The following MNS1 variants were observed in gnomAD, a reference collection of about 807,000 sequenced individuals.
MNS1 encodes the protein meiosis specific nuclear structural 1.
MNS1 carries 63 observed loss-of-function variants against 72.0 expected under a neutral mutation model. The observed-to-expected ratio is 0.87, with a 90% CI of 0.71 to 1.08. The LOEUF (loss-of-function observed/expected upper bound fraction) is 1.08, where lower values mean the gene tolerates loss of function less well. Ranked by LOEUF, MNS1 falls within the 50% of genes least tolerant of loss-of-function variation. The pLI, the probability that MNS1 is intolerant of heterozygous loss-of-function variation, is 0.00. For missense variants in MNS1, 604 were observed against 562.4 expected (o/e 1.07, Z -0.75); for synonymous variants, 188 against 172.1 (o/e 1.09, Z -0.72).
At position 56,444,561 on chromosome 15, in the gene MNS1, T is replaced by G. The variant is rs1298310975; in HGVS notation, c.569A>C (p.Asp190Ala). Residue 190 changes from aspartate (D) to alanine (A), a missense_variant, in exon 5 of 10, where the codon GAC (aspartate) becomes GCC (alanine). By Grantham distance (126) the Asp-to-Ala change is moderately radical (BLOSUM62 -2). Coordinates refer to ENST00000260453, the MANE Select transcript of MNS1 (RefSeq NM_018365.4). ...TTGTTCTTCAAGTTGTTTCTCTAAG[T>G]CAAGATAGTACTGTGCTTTCGCTTT... ...RNKAKAQYYL[D>A]LEKQLEEQEK... is the part of the protein sequence containing the mutation. 1.2e-6 allele frequency: 2 copies of G among 1,612,988 alleles called. No homozygotes were observed. The highest frequency in any genetic ancestry group is 1.7e-6 in the Non-Finnish European group (2 of 1,179,524).
chr15:56,461,311 C>A (rs2051018966), intron 2 of MNS1, among the ~76,000 whole-genome samples: 1 of 151,684 alleles, frequency 6.6e-6, no homozygotes, highest in Admixed American at 6.6e-5. Context: ...AAGCCTAGAA[C>A]AGTTTGTTTT....
At chr15:56,441,883 G>A (rs2050820413) in intron 7 of MNS1, among the ~76,000 whole-genome samples, 1 of 152,006 alleles carries the variant, frequency 6.6e-6, no homozygotes, top group Non-Finnish European at 1.5e-5. Context: ...AGCCGGGCAT[G>A]GTGGCGGGTG....
At chr15:56,449,385 A>G (rs2050932575) in intron 3 of MNS1, among the ~76,000 whole-genome samples, 1 of 152,076 alleles carries the variant, frequency 6.6e-6, no homozygotes, top group African/African-American at 2.4e-5. Flanking sequence ...TATAATTGTT[A>G]ATAGGATGAA....
At chr15:56,453,233 A>C (rs188927654) in intron 3 of MNS1, among the ~76,000 whole-genome samples, 6 of 152,252 alleles carry the variant, frequency 3.9e-5, no homozygotes, top group Admixed American at 3.9e-4. Flanking sequence ...TATTTTATAC[A>C]TTCAAATATC....
rs1466257817 is a variant in MNS1, at chr15:56,465,043, G to A, written c.-71C>T. ...CCTCCCGCCGCAAACGCAGCAGCCA[G>A]CAGCCCCAAGGAGCGCACCTGGCTG... On this transcript the variant is annotated 5_prime_UTR_variant, in exon 1 of 10. Coordinates refer to ENST00000260453, the MANE Select transcript of MNS1 (RefSeq NM_018365.4). 5 of 1,589,384 alleles carry A rather than the reference G, an allele frequency of 3.1e-6. No homozygotes were observed. Among genetic ancestry groups the A allele is most frequent in the East Asian group, 2.3e-5 (1 of 43,680 alleles).
chr15:56,440,569 GC>G (rs2050800436), intron 7 of MNS1, among the ~76,000 whole-genome samples: 1 of 152,092 alleles, frequency 6.6e-6, no homozygotes, highest in Non-Finnish European at 1.5e-5. Flanking sequence ...CATTCCAAAT[GC>G]CCTTTAATGG....
chr15:56,462,816 GA>G (rs1227932409), intron 2 of MNS1, among the ~76,000 whole-genome samples: 1 of 152,190 alleles, frequency 6.6e-6, no homozygotes, highest in Non-Finnish European at 1.5e-5. Context: ...CTCCATGTAA[GA>G]AAACATCCAT....
At chr15:56,447,183 G>C (rs2050911992) in intron 3 of MNS1, 1 of 344,484 alleles carries the variant, frequency 2.9e-6, no homozygotes, top group African/African-American at 2.1e-5. Context: ...TGCTTATCCT[G>C]TGTCAATACC....
chr15:56,442,284 T>C (rs1370407525), intron 7 of MNS1, among the ~76,000 whole-genome samples: 4 of 152,180 alleles, frequency 2.6e-5, no homozygotes, highest in Admixed American at 6.5e-5. Context: ...TTGGTGGGAA[T>C]GTAAACTAGT....
intron 3 of MNS1, among the ~76,000 whole-genome samples, chr15:56,455,317 G>C (rs1384948953): frequency 7.1e-6 from 1 of 141,672 alleles, no homozygotes; most frequent in Non-Finnish European, 1.5e-5. Flanking sequence ...GGCCCAAAAA[G>C]ATAGTTTGAG....
intron 2 of MNS1, among the ~76,000 whole-genome samples, chr15:56,462,341 C>T (rs2051028874): frequency 6.6e-6 from 1 of 152,058 alleles, no homozygotes; most frequent in Non-Finnish European, 1.5e-5. Context: ...CTTCCTAAAC[C>T]CACTGATCAA....
In MNS1 at chr15:56,446,718, T is replaced by C; in HGVS notation, c.456+123A>G. Reference sequence around the variant, plus strand: ...TCTACATCTTAAGGATCTGAAAATTTACAAATATTTAAGAAATCTAGCAGT... The same window carrying C: ...TCTACATCTTAAGGATCTGAAAATTCACAAATATTTAAGAAATCTAGCAGT... On this transcript the variant is annotated intron_variant, in intron 4 of 9. Coordinates refer to ENST00000260453, the MANE Select transcript of MNS1 (RefSeq NM_018365.4). 4 of 679,740 alleles carry C rather than the reference T, an allele frequency of 5.9e-6. No individual in the cohort carries two copies. In the Admixed American group the frequency reaches 9.0e-5, roughly 15 times the overall value. The allele number at this position is 679,740 out of a possible 1,614,324, so 42.1% of individuals were successfully genotyped here.
chr15:56,455,655 C>T (rs535323941), intron 3 of MNS1, among the ~76,000 whole-genome samples: 1 of 152,250 alleles, frequency 6.6e-6, no homozygotes, highest in East Asian at 1.9e-4. Flanking sequence ...AAAAGTAATT[C>T]GATCTTAGGC....
rs1390563976 is a variant in MNS1, at chr15:56,438,055, G to A, written c.1012-3660C>T. 1.1e-4 allele frequency among the ~76,000 whole-genome samples: 17 copies of A among 152,252 alleles called. No individual in the cohort carries two copies. In the East Asian group the frequency reaches 1.9e-3, roughly 17 times the overall value. On this transcript the variant is annotated intron_variant, in intron 7 of 9. Transcript: ENST00000260453. ...GCCATACTGCCCAAGGTAATTTACAGATTCAATGCCATCCACATCAAGCTA... is the reference window on the plus strand; with the variant it reads ...GCCATACTGCCCAAGGTAATTTACAAATTCAATGCCATCCACATCAAGCTA...
chr15:56,431,601 T>TTAGTGTC, intron 8 of MNS1, 103 bp from the exon 9 acceptor site: 1 of 1,075,594 alleles, frequency 9.3e-7, no homozygotes, highest in Non-Finnish European at 1.3e-6. Context: ...ATTGATGAAC[T>TTAGTGTC]ATTTATGACA....
intron 2 of MNS1, 174 bp downstream of exon 2, chr15:56,463,852 G>C (rs1228830236): frequency 3.4e-6 from 2 of 595,754 alleles, no homozygotes; most frequent in Non-Finnish European, 2.9e-6. Flanking sequence ...AGGATTCAAA[G>C]ACAGGCCGGC....
At position 56,431,362 on chromosome 15, in the gene MNS1, A is replaced by G. The variant is rs1444868545; in HGVS notation, c.1395+11T>C. On this transcript the variant is annotated intron_variant, in intron 9 of 9. Coordinates refer to ENST00000260453, the MANE Select transcript of MNS1 (RefSeq NM_018365.4). ...TCATGAAGATTACAACTTGAGATAAATCTCACTTACTTTAGGGAGATAGCC... is the reference window on the plus strand; with the variant it reads ...TCATGAAGATTACAACTTGAGATAAGTCTCACTTACTTTAGGGAGATAGCC... 2.5e-6 allele frequency: 4 copies of G among 1,608,946 alleles called. No homozygotes were observed. The Admixed American group carries it at 6.8e-5, about 27-fold the overall frequency.
chr15:56,439,345 T>C (rs747610491), intron 7 of MNS1, among the ~76,000 whole-genome samples: 33 of 152,058 alleles, frequency 2.2e-4, no homozygotes, highest in Middle Eastern at 3.2e-3. Context: ...CAAACTGATA[T>C]TCAAATTTAA....
At chr15:56,441,607 A>C (rs1405436986) in intron 7 of MNS1, among the ~76,000 whole-genome samples, 1 of 152,258 alleles carries the variant, frequency 6.6e-6, no homozygotes, top group Non-Finnish European at 1.5e-5. Context: ...GAAGTTATCA[A>C]CAGAATAAAC....
Sources: allele counts gnomAD v4.1 joint callset (sites outside exome capture counted in the v4.1 genomes callset), GRCh38; gene constraint gnomAD v4.1.1; transcripts MANE v1.5; gene names NCBI Gene and HGNC (gene_info 2026-07-23, HGNC 2026-07-21).